The following MTFMT variants were observed in gnomAD, a reference collection of about 807,000 sequenced individuals.
MTFMT encodes the protein methionyl-tRNA formyltransferase, mitochondrial.
In MTFMT, 47 loss-of-function variants were observed where a neutral mutation model predicts 51.8. The ratio of observed to expected loss-of-function variants is 0.91; its 90% CI spans 0.72 to 1.16. The LOEUF (loss-of-function observed/expected upper bound fraction) is 1.16, where lower values mean the gene tolerates loss of function less well. Among genes scored for constraint, MTFMT ranks in the 50% most tolerant of loss-of-function variants. The pLI is 0.00. For missense variants in MTFMT, 512 were observed against 482.3 expected (o/e 1.06, Z -0.58); for synonymous variants, 196 against 176.7 (o/e 1.11, Z -0.87).
At chr15:65,028,001 C>T (rs1230468785) in intron 1 of MTFMT, among the ~76,000 whole-genome samples, 1 of 152,150 alleles carries the variant, frequency 6.6e-6, no homozygotes, top group Non-Finnish European at 1.5e-5. Flanking sequence ...CATTCTAGTA[C>T]CCAGGGGGGT....
intron 5 of MTFMT, among the ~76,000 whole-genome samples, chr15:65,017,736 T>C (rs2086335936): frequency 6.6e-6 from 1 of 151,938 alleles, no homozygotes; most frequent in African/African-American, 2.4e-5. Flanking sequence ...AGGTTGAGAC[T>C]GCAGTAAGCC....
chr15:65,029,434 G>T lies in MTFMT; in HGVS notation c.180C>A (p.Arg60=). ...CGGCGTGCAGCGCCCGCAGCGCCTCGCGGGCGAACTGGTCCGTGCCGAAGA... is the reference window on the plus strand; with the variant it reads ...CGGCGTGCAGCGCCCGCAGCGCCTCTCGGGCGAACTGGTCCGTGCCGAAGA... ...VLFFGTDQFA[R]EALRALHAAR... The change falls in exon 1 of 9, where the codon CGC becomes CGA. Residue 60 remains arginine (R), a synonymous_variant. Transcript: ENST00000220058. 1 of 1,506,298 alleles carries T rather than the reference G, an allele frequency of 6.6e-7. No individual in the cohort carries two copies. The highest frequency in any genetic ancestry group is 8.9e-7 in the Non-Finnish European group (1 of 1,129,554). 93.3% of individuals were successfully genotyped at this position (1,506,298 alleles called of 1,614,324 possible).
intron 2 of MTFMT, among the ~76,000 whole-genome samples, chr15:65,024,694 A>C (rs2086406990): frequency 6.6e-6 from 1 of 150,438 alleles, no homozygotes; most frequent in Non-Finnish European, 1.5e-5. Context: ...AACCAGACAG[A>C]AAAAAAAAAT....
chr15:65,029,122 G>A, intron 1 of MTFMT: 1 of 294,010 alleles, frequency 3.4e-6, no homozygotes, highest in Non-Finnish European at 5.1e-6. Flanking sequence ...GATGCAGGCA[G>A]AGCGCCCAGC....
chr15:65,002,348 A>C lies in MTFMT; in HGVS notation c.*714T>G, dbSNP rs538036086. ...AACCCGGGAGGTGGAGCTTGCAGTGAGCTGACATCACGCCACTGCACTCCA... is the reference window on the plus strand; with the variant it reads ...AACCCGGGAGGTGGAGCTTGCAGTGCGCTGACATCACGCCACTGCACTCCA... On this transcript the variant is annotated 3_prime_UTR_variant, in exon 9 of 9. Coordinates refer to ENST00000220058, the MANE Select transcript of MTFMT (RefSeq NM_139242.4). 1 of 152,000 alleles carries C rather than the reference A, an allele frequency of 6.6e-6. No homozygotes were observed. Among genetic ancestry groups the C allele is most frequent in the South Asian group, 2.1e-4 (1 of 4,804 alleles). 9.4% of individuals were successfully genotyped at this position (152,000 alleles called of 1,614,324 possible). A position where few individuals can be genotyped will look rare whatever the true frequency, so the allele number is the denominator to read the frequency against.
chr15:65,027,466 T>C (rs1314750308), intron 1 of MTFMT, among the ~76,000 whole-genome samples: 1 of 152,212 alleles, frequency 6.6e-6, no homozygotes, highest in East Asian at 1.9e-4. Context: ...CCCAAAGTGC[T>C]GGGATTACAG....
chr15:65,014,527 T>C (rs1307221975), intron 6 of MTFMT, among the ~76,000 whole-genome samples: 1 of 151,976 alleles, frequency 6.6e-6, no homozygotes, highest in Non-Finnish European at 1.5e-5. Context: ...GGTTTCTCCA[T>C]GTTGGTCAGG....
In MTFMT at chr15:65,024,915, G is replaced by A. The variant is rs142841758; in HGVS notation, c.420-1121C>T. ...AGAACATGAAGAAGGAAATAACTAC[G>A]CATATATATGGGAGAAAAGCATTCC... On this transcript the variant is annotated intron_variant, in intron 2 of 8. Transcript: ENST00000220058. Among the ~76,000 whole-genome samples the A allele has an allele frequency of 2.4e-4, 37 of 152,254 alleles. No individual in the cohort carries two copies. In the East Asian group the frequency reaches 4.8e-3, roughly 20 times the overall value.
chr15:65,027,477 G>A (rs988132917), intron 1 of MTFMT, among the ~76,000 whole-genome samples: 3 of 152,056 alleles, frequency 2.0e-5, no homozygotes, highest in African/African-American at 4.8e-5. Context: ...GGGATTACAG[G>A]CGTGAACACC....
Position 65,029,595 on chromosome 15 carries a change from G to T in MTFMT, c.19C>A (p.Arg7Ser), listed in dbSNP as rs759489465. The change falls in exon 1 of 9, where the codon CGC becomes AGC. Residue 7 changes from arginine (R) to serine (S), a missense_variant. Physicochemically the swap from Arg to Ser is moderately radical, Grantham distance 110. Transcript: ENST00000220058. ...TGAGCCAGCGGAGGACCCCAACAGC[G>T]CCGCACCAACACCCTCATCGCCTCG... MRVLVR[R>S]CWGPPLAHGA... 8 of 1,452,192 alleles carry T rather than the reference G, an allele frequency of 5.5e-6. No individual in the cohort carries two copies. The African/African-American group carries it at 8.9e-5, about 16-fold the overall frequency. 90.0% of individuals were successfully genotyped at this position (1,452,192 alleles called of 1,614,324 possible). A position where few individuals can be genotyped will look rare whatever the true frequency, so the allele number is the denominator to read the frequency against.
At chr15:65,025,550 G>A (rs2086415722) in intron 2 of MTFMT, among the ~76,000 whole-genome samples, 1 of 152,052 alleles carries the variant, frequency 6.6e-6, no homozygotes, top group South Asian at 2.1e-4. Flanking sequence ...GAAGTGATGA[G>A]ATACAGACAG....
At position 65,028,889 on chromosome 15, in the gene MTFMT, CTATG is replaced by C. The variant is rs200355217; in HGVS notation, c.209+512_209+515del. 3.7e-3 allele frequency among the ~76,000 whole-genome samples: 563 copies of C among 152,238 alleles called. 2 individuals carry two copies. Among genetic ancestry groups the C allele is most frequent in the Admixed American group, 0.011 (166 of 15,286 alleles). The stretch of plus-strand genomic sequence containing the variant: ...CTTTTGAAAACAGGTCGTTTTTGGA[CTATG>C]TCCTTGTATACAAGGAGCACAGGGG... On this transcript the variant is annotated intron_variant, in intron 1 of 8. Transcript: ENST00000220058.
intron 6 of MTFMT, among the ~76,000 whole-genome samples, chr15:65,006,729 T>G (rs759246928): frequency 6.6e-5 from 10 of 152,198 alleles, no homozygotes; most frequent in Non-Finnish European, 1.3e-4. Flanking sequence ...TCTAATATAC[T>G]AATATTTCCA....
rs928413816 is a variant in MTFMT at position 65,002,397 on chromosome 15, CGT to C, written c.*663_*664del. The stretch of plus-strand genomic sequence containing the variant: ...CAGCCTGGGCCACAGAACAAGACTC[CGT>C]CTCAAAAAAATAAAAATAAAAACAA... On this transcript the variant is annotated 3_prime_UTR_variant, in exon 9 of 9. Coordinates refer to ENST00000220058, the MANE Select transcript of MTFMT (RefSeq NM_139242.4). The C allele has an allele frequency of 2.6e-5, 4 of 151,562 alleles. No individual in the cohort carries two copies. The highest frequency in any genetic ancestry group is 6.8e-3 in the Middle Eastern group (2 of 292). 9.4% of individuals were successfully genotyped at this position (151,562 alleles called of 1,614,324 possible). A position where few individuals can be genotyped will look rare whatever the true frequency, so the allele number is the denominator to read the frequency against.
chr15:65,008,684 A>AT (rs1245729017), intron 6 of MTFMT, among the ~76,000 whole-genome samples: 1 of 152,236 alleles, frequency 6.6e-6, no homozygotes, highest in Non-Finnish European at 1.5e-5. Flanking sequence ...AAATAAGTAA[A>AT]TGAATTTGAA....
intron 6 of MTFMT, among the ~76,000 whole-genome samples, 160 bp from the exon 7 acceptor site, chr15:65,006,351 C>T (rs1393191127): frequency 6.6e-6 from 1 of 151,588 alleles, no homozygotes; most frequent in Non-Finnish European, 1.5e-5. Context: ...TGACTCTCTA[C>T]ATCAGTGTTT....
intron 4 of MTFMT, among the ~76,000 whole-genome samples, chr15:65,021,106 G>A (rs2086370429): frequency 6.6e-6 from 1 of 152,222 alleles, no homozygotes; most frequent in South Asian, 2.1e-4. Context: ...AGAATGGTCA[G>A]CAGAATTCTA....
chr15:65,020,598 T>C (rs896727376), intron 4 of MTFMT, among the ~76,000 whole-genome samples: 5 of 152,144 alleles, frequency 3.3e-5, no homozygotes, highest in Admixed American at 6.5e-5. Context: ...GGCATCAGGA[T>C]AGCCCGGGCT....
chr15:65,016,668 A>T, intron 5 of MTFMT, 141 bp from the exon 6 acceptor site: 1 of 400,542 alleles, frequency 2.5e-6, no homozygotes, highest in Non-Finnish European at 4.5e-6. Context: ...TCCATATATC[A>T]AGTAAAAATA....
Sources: gnomAD v4.1 joint callset for allele counts (sites outside exome capture counted in the v4.1 genomes callset) on GRCh38, gnomAD v4.1.1 for gene constraint, MANE v1.5 for transcripts, NCBI Gene and HGNC (gene_info 2026-07-23, HGNC 2026-07-21) for gene names.